Variants in FOXP1 observed in about 807,000 individuals in gnomAD.
FOXP1 encodes forkhead box P1.
Under a neutral mutation model 98.2 loss-of-function variants are expected in FOXP1, and 15 were observed. The observed-to-expected ratio is 0.15, with a 90% CI of 0.10 to 0.24. FOXP1 has a LOEUF of 0.24. Among genes scored for constraint, FOXP1 ranks in the 10% least tolerant of loss-of-function variants. FOXP1 has a pLI of 1.00. For synonymous variants in FOXP1, 371 were observed against 314.5 expected (o/e 1.18, Z -1.90); for missense variants, 633 against 848.5 (o/e 0.75, Z 3.15).
intron 6 of FOXP1, among the ~76,000 whole-genome samples, chr3:71,186,866 T>TG (rs2062678740): frequency 6.6e-6 from 1 of 152,270 alleles, no homozygotes. Flanking sequence ...CTGCCATTCA[T>TG]TAATCCAGAG....
intron 3 of FOXP1, among the ~76,000 whole-genome samples, chr3:71,381,195 G>T: frequency 6.8e-6 from 1 of 146,932 alleles, no homozygotes; most frequent in Non-Finnish European, 1.5e-5. Flanking sequence ...CTGTCGCCCA[G>T]GCTGGAGTTC....
intron 3 of FOXP1, among the ~76,000 whole-genome samples, chr3:71,372,017 C>CT (rs552340574): frequency 0.024 from 3,424 of 144,646 alleles, 80 homozygotes; most frequent in African/African-American, 0.056. Flanking sequence ...TTCTTTCTTT[C>CT]TTTTTTTTTT....
intron 2 of FOXP1, among the ~76,000 whole-genome samples, chr3:71,516,147 C>T (rs892285130): frequency 6.6e-6 from 1 of 152,162 alleles, no homozygotes; most frequent in Non-Finnish European, 1.5e-5. Flanking sequence ...CAATGCTAAA[C>T]CTCCCGCTTG....
chr3:71,057,291 CTTTTTTTTTTTTTTTTTTTTTTTT>C (rs10670020), intron 7 of FOXP1, among the ~76,000 whole-genome samples: 3 of 7,474 alleles, frequency 4.0e-4, no homozygotes, highest in Non-Finnish European at 1.4e-3. Context: ...AAAAACGAAA[CTTTTTTTTTTTTTTTTTTTTTTTT>C]TTTTTTTTTT....
At chr3:71,485,771 C>CAA (rs545900035) in intron 3 of FOXP1, among the ~76,000 whole-genome samples, 1,557 of 111,860 alleles carry the variant, frequency 0.014, 11 homozygotes, top group Non-Finnish European at 0.021. Context: ...GAGACTCCAT[C>CAA]AAAAAAAAAA....
chr3:71,515,357 C>G (rs1428672657), intron 2 of FOXP1, among the ~76,000 whole-genome samples: 1 of 138,306 alleles, frequency 7.2e-6, no homozygotes, highest in Admixed American at 7.9e-5. Flanking sequence ...TTGTTTTACA[C>G]TAAGATGTGA....
intron 11 of FOXP1, among the ~76,000 whole-genome samples, chr3:71,022,905 G>A (rs1235776866): frequency 1.3e-5 from 2 of 152,166 alleles, no homozygotes; most frequent in African/African-American, 4.8e-5. Flanking sequence ...TCCATTAAAG[G>A]AATGAATGAA....
intron 11 of FOXP1, among the ~76,000 whole-genome samples, chr3:71,039,117 C>T (rs6549374): frequency 0.24 from 36,608 of 151,784 alleles, 11,185 homozygotes; most frequent in African/African-American, 0.72. Context: ...CTAGATAATA[C>T]AAACTGAGAG....
At chr3:71,497,155 G>A (rs897408675) in intron 2 of FOXP1, among the ~76,000 whole-genome samples, 2 of 151,636 alleles carry the variant, frequency 1.3e-5, no homozygotes, top group East Asian at 3.9e-4. Flanking sequence ...ACAGTACAGA[G>A]GCAAAAACAA....
chr3:71,179,337 A>C (rs543184572), intron 6 of FOXP1, among the ~76,000 whole-genome samples: 1 of 152,002 alleles, frequency 6.6e-6, no homozygotes, highest in South Asian at 2.1e-4. Flanking sequence ...TGAACTCCTG[A>C]GTTCAAGTGA....
intron 4 of FOXP1, among the ~76,000 whole-genome samples, chr3:71,355,722 C>T (rs892488020): frequency 3.9e-5 from 6 of 152,160 alleles, no homozygotes; most frequent in Non-Finnish European, 5.9e-5. Context: ...CTGATAAGTA[C>T]TACTATAGGC....
At chr3:71,553,873 T>C (rs967232993) in intron 2 of FOXP1, among the ~76,000 whole-genome samples, 2 of 152,234 alleles carry the variant, frequency 1.3e-5, no homozygotes, top group Non-Finnish European at 1.5e-5. Flanking sequence ...TACGTATATA[T>C]AAAATTATTT....
At chr3:71,170,438 T>C (rs1033078202) in intron 6 of FOXP1, among the ~76,000 whole-genome samples, 1 of 152,214 alleles carries the variant, frequency 6.6e-6, no homozygotes, top group African/African-American at 2.4e-5. Context: ...CTGCAGGCTG[T>C]GCTGGCCTCT....
chr3:71,359,605 G>C (rs1262524482), intron 3 of FOXP1, among the ~76,000 whole-genome samples: 4 of 152,148 alleles, frequency 2.6e-5, no homozygotes, highest in Admixed American at 2.6e-4. Flanking sequence ...CTGGAGTGCA[G>C]GGCACATTCA....
At chr3:71,075,099 T>C (rs930138428) in intron 7 of FOXP1, among the ~76,000 whole-genome samples, 16 of 152,208 alleles carry the variant, frequency 1.1e-4, no homozygotes, top group African/African-American at 3.4e-4. Flanking sequence ...ATTTGGTCTC[T>C]AATCATAAAA....
chr3:71,029,588 A>G (rs1361311110), intron 11 of FOXP1, among the ~76,000 whole-genome samples: 1 of 152,032 alleles, frequency 6.6e-6, no homozygotes, highest in Non-Finnish European at 1.5e-5. Context: ...ACAGGGTCTC[A>G]CTATATTGCC....
At chr3:70,972,801 C>G in intron 17 of FOXP1, 125 bp from the exon 18 acceptor site, 2 of 867,304 alleles carry the variant, frequency 2.3e-6, no homozygotes, top group Non-Finnish European at 3.6e-6. Context: ...GCTACCACCC[C>G]CGTGGAGGAC....
At chr3:71,403,852 A>G (rs1397313310) in intron 3 of FOXP1, among the ~76,000 whole-genome samples, 1 of 152,184 alleles carries the variant, frequency 6.6e-6, no homozygotes, top group Non-Finnish European at 1.5e-5. Flanking sequence ...CACTGCCTCA[A>G]AAACAGCAAC....
At chr3:71,579,340 A>T (rs1578262311) in intron 2 of FOXP1, among the ~76,000 whole-genome samples, 1 of 152,204 alleles carries the variant, frequency 6.6e-6, no homozygotes, top group East Asian at 1.9e-4. Context: ...TAATTTGAAT[A>T]GTTGATGTTT....
Sources: allele counts gnomAD v4.1 joint callset (sites outside exome capture counted in the v4.1 genomes callset), GRCh38; gene constraint gnomAD v4.1.1; transcripts MANE v1.5; gene names NCBI Gene and HGNC (gene_info 2026-07-23, HGNC 2026-07-21).